CDC27: variants seen among roughly 807,000 people sequenced by gnomAD.
CDC27 encodes cell division cycle protein 27 homolog.
Under a neutral mutation model 109.7 loss-of-function variants are expected in CDC27, and 27 were observed. That is an observed-to-expected ratio of 0.25 (90% CI 0.18 to 0.34). The LOEUF is 0.34. Among genes scored for constraint, CDC27 ranks in the 10% least tolerant of loss-of-function variants. The pLI is 1.00. For missense variants in CDC27, 579 were observed against 960.2 expected (o/e 0.60, Z 5.25); for synonymous variants, 266 against 333.9 (o/e 0.80, Z 2.22).
At chr17:47,159,525 T>G (rs780825192) in intron 4 of CDC27, 3 of 514,540 alleles carry the variant, frequency 5.8e-6, no homozygotes, top group Non-Finnish European at 1.0e-5. Flanking sequence ...CCTGTCACCT[T>G]GCAAGGGACG....
In CDC27 at chr17:47,121,128, A is replaced by G. The variant is rs2061972230; in HGVS notation, c.2393-111T>C. The G allele has an allele frequency of 1.0e-5, 7 of 697,344 alleles. No homozygotes were observed. The South Asian group carries it at 1.2e-4, about 12-fold the overall frequency. 43.2% of individuals were successfully genotyped at this position (697,344 alleles called of 1,614,324 possible). ...TATATTCAGAGAGATAAAACCCTAA[A>G]TAAAGGCCCTTAAAAATCCTCATAT... On this transcript the variant is annotated intron_variant, in intron 18 of 18. Coordinates refer to ENST00000066544, the MANE Select transcript of CDC27 (RefSeq NM_001256.6).
At chr17:47,138,962 G>T in intron 12 of CDC27, 71 bp from the exon 13 acceptor site, 2 of 1,012,532 alleles carry the variant, frequency 2.0e-6, no homozygotes, top group Non-Finnish European at 2.9e-6. Context: ...GAAAGCCCTG[G>T]TCATTATCTT....
chr17:47,125,273 G>A (rs1354932377), intron 16 of CDC27, among the ~76,000 whole-genome samples: 4 of 71,332 alleles, frequency 5.6e-5, no homozygotes, highest in Non-Finnish European at 1.0e-4. Context: ...TTGAGATGGC[G>A]TTTCACTCTA....
chr17:47,134,544 T>G (rs2062511401), intron 14 of CDC27, among the ~76,000 whole-genome samples: 1 of 151,802 alleles, frequency 6.6e-6, no homozygotes. Flanking sequence ...CATGCTGGAG[T>G]GCAGTGGCAC....
In CDC27 at chr17:47,134,503, T is replaced by C. The variant is rs145709830; in HGVS notation, c.1914-2129A>G. Reference sequence around the variant, plus strand: ...TTTTTTTGTTTTGTTTTGTTTTGTTTTGTTTTTGAGATGGAGTCTCACTCT... The same window carrying C: ...TTTTTTTGTTTTGTTTTGTTTTGTTCTGTTTTTGAGATGGAGTCTCACTCT... On this transcript the variant is annotated intron_variant, in intron 14 of 18. Transcript: ENST00000066544. 5.2e-3 allele frequency among the ~76,000 whole-genome samples: 789 copies of C among 152,020 alleles called. 9 individuals carry two copies. The highest frequency in any genetic ancestry group is 8.0e-3 in the Non-Finnish European group (543 of 67,986).
intron 2 of CDC27, among the ~76,000 whole-genome samples, chr17:47,176,132 C>T (rs1484862679): frequency 2.6e-5 from 4 of 152,046 alleles, no homozygotes; most frequent in Non-Finnish European, 4.4e-5. Context: ...TAATTATTGG[C>T]CTTCTCTTAA....
intron 4 of CDC27, chr17:47,159,830 T>C (rs576113765): frequency 4.9e-5 from 23 of 472,384 alleles, no homozygotes; most frequent in East Asian, 2.8e-4. Flanking sequence ...GGAGAAGAGA[T>C]AGATCTCCTC....
intron 2 of CDC27, among the ~76,000 whole-genome samples, chr17:47,174,349 T>C (rs1307101123): frequency 6.6e-6 from 1 of 152,212 alleles, no homozygotes; most frequent in East Asian, 1.9e-4. Flanking sequence ...AATGGCTGTC[T>C]GAAATGCCAT....
intron 18 of CDC27, 47 bp from the exon 19 acceptor site, chr17:47,121,064 G>A (rs1309271002): frequency 8.2e-7 from 1 of 1,219,668 alleles, no homozygotes. Context: ...TGACAAATAT[G>A]TCCTGTTGGT....
intron 17 of CDC27, among the ~76,000 whole-genome samples, chr17:47,123,402 CTTTTTTTTTTT>C (rs57868315): frequency 1.6e-5 from 2 of 123,002 alleles, no homozygotes; most frequent in African/African-American, 6.1e-5. Flanking sequence ...TTTTTTTCTA[CTTTTTTTTTTT>C]TTTTTTTTTC....
chr17:47,130,613 G>A (rs1188666898), intron 15 of CDC27, among the ~76,000 whole-genome samples: 5 of 151,866 alleles, frequency 3.3e-5, no homozygotes, highest in Admixed American at 6.6e-5. Flanking sequence ...GGTGGCTCAC[G>A]CCTGTAATCC....
intron 17 of CDC27, 140 bp downstream of exon 17, chr17:47,123,746 T>C (rs2062048251): frequency 1.9e-6 from 1 of 516,666 alleles, no homozygotes. Flanking sequence ...GAACTAAATC[T>C]GTTATTCCCA....
At chr17:47,185,079 A>T (rs1293391436) in intron 1 of CDC27, among the ~76,000 whole-genome samples, 1 of 152,236 alleles carries the variant, frequency 6.6e-6, no homozygotes. Flanking sequence ...TTAAAGTTGC[A>T]AAATTCCTTA....
intron 16 of CDC27, among the ~76,000 whole-genome samples, chr17:47,126,354 C>A (rs951868997): frequency 2.6e-5 from 4 of 152,104 alleles, no homozygotes; most frequent in African/African-American, 4.8e-5. Context: ...TTCAGCGAAG[C>A]CCCAAGCTCA....
At chr17:47,133,000 T>TGC (rs1568373606) in intron 14 of CDC27, among the ~76,000 whole-genome samples, 3 of 34,542 alleles carry the variant, frequency 8.7e-5, no homozygotes, top group African/African-American at 2.9e-4. Flanking sequence ...TATATATATA[T>TGC]ATATATATAT....
intron 9 of CDC27, among the ~76,000 whole-genome samples, chr17:47,149,509 TA>T (rs34375130): frequency 0.83 from 92,599 of 112,134 alleles, 38,063 homozygotes; most frequent in East Asian, 0.96. Context: ...GACTCTGTCT[TA>T]AAAAAAAAAA....
Position 47,156,902 on chromosome 17 carries a change from G to C in CDC27, c.842+11C>G, listed in dbSNP as rs1476651726. On this transcript the variant is annotated intron_variant, in intron 7 of 18. Coordinates refer to ENST00000066544, the MANE Select transcript of CDC27 (RefSeq NM_001256.6). ...ATTATAGCACATTTGAAAGTATCTTGTTTGACTTACCTTGGGGTTAATGGA... is the reference window on the plus strand; with the variant it reads ...ATTATAGCACATTTGAAAGTATCTTCTTTGACTTACCTTGGGGTTAATGGA... 3 of 1,032,898 alleles carry C rather than the reference G, an allele frequency of 2.9e-6. No homozygotes were observed. The highest frequency in any genetic ancestry group is 4.3e-6 in the Non-Finnish European group (3 of 703,776). 64.0% of individuals were successfully genotyped at this position (1,032,898 alleles called of 1,614,324 possible).
rs764104671 is a variant in CDC27 at position 47,132,227 on chromosome 17, T to C, written c.2031+30A>G. 9 of 959,986 alleles carry C rather than the reference T, an allele frequency of 9.4e-6. 1 individual carries two copies. Among genetic ancestry groups the C allele is most frequent in the Admixed American group, 6.7e-5 (3 of 44,836 alleles). The allele number at this position is 959,986 out of a possible 1,614,324, so 59.5% of individuals were successfully genotyped here. A position where few individuals can be genotyped will look rare whatever the true frequency, so the allele number is the denominator to read the frequency against. On this transcript the variant is annotated intron_variant, in intron 15 of 18. Coordinates refer to ENST00000066544, the MANE Select transcript of CDC27 (RefSeq NM_001256.6). ...AAACATATTTCAAAAGGGAGATTAA[T>C]AGAGTATTAATGTTTAGAAAGCTAC...
intron 14 of CDC27, among the ~76,000 whole-genome samples, chr17:47,132,986 C>T (rs1385720327): frequency 2.5e-5 from 2 of 78,446 alleles, no homozygotes; most frequent in Non-Finnish European, 2.4e-5. Context: ...GTTGCCCAGG[C>T]GCATATATAT....
Sources: allele counts gnomAD v4.1 joint callset (sites outside exome capture counted in the v4.1 genomes callset), GRCh38; gene constraint gnomAD v4.1.1; transcripts MANE v1.5; gene names NCBI Gene and HGNC (gene_info 2026-07-23, HGNC 2026-07-21).